The following PBK variants were observed in gnomAD, a reference collection of about 807,000 sequenced individuals.
PBK encodes the protein PDZ binding kinase, also known as lymphokine-activated killer T-cell-originated protein kinase.
In PBK, 22 loss-of-function variants were observed where a neutral mutation model predicts 33.5. The observed-to-expected ratio is 0.66, with a 90% CI of 0.47 to 0.94. The LOEUF is 0.94. Ranked by LOEUF, PBK falls within the 40% of genes least tolerant of loss-of-function variation. The probability of loss-of-function intolerance (pLI) is 0.00; values close to 1 mark genes in which losing one functional copy is unlikely to be tolerated. For synonymous variants in PBK, 129 were observed against 123.8 expected (o/e 1.04, Z -0.28); for missense variants, 376 against 383.4 (o/e 0.98, Z 0.16).
chr8:27,822,485 T>C lies in PBK; in HGVS notation c.299A>G (p.Tyr100Cys), dbSNP rs1805949159. Residue 100 changes from tyrosine (Y) to cysteine (C), a missense_variant, in exon 5 of 8, where the codon TAT becomes TGT. Tyr to Cys is a radical substitution (Grantham distance 194). Transcript: ENST00000301905. Reference sequence around the variant, plus strand: ...ATCATTGGCTTCAGTAAAAGCACGATAACCTTAAAGAAAACATGACATTTC... The same window carrying C: ...ATCATTGGCTTCAGTAAAAGCACGACAACCTTAAAGAAAACATGACATTTC... The part of the protein sequence containing the change: ...KSLHHPNIVG[Y>C]RAFTEANDGS... 1 of 1,594,722 alleles carries C rather than the reference T, an allele frequency of 6.3e-7. No homozygotes were observed. Among genetic ancestry groups the C allele is most frequent in the Non-Finnish European group, 8.5e-7 (1 of 1,170,708 alleles).
intron 3 of PBK, 25 bp from the exon 4 acceptor site, chr8:27,823,230 G>A: frequency 1.4e-6 from 2 of 1,415,186 alleles, no homozygotes; most frequent in Non-Finnish European, 1.9e-6. Context: ...CATTTAAAAA[G>A]GATAGAAAAC....
chr8:27,822,936 T>C, intron 4 of PBK, 127 bp downstream of exon 4: 2 of 614,468 alleles, frequency 3.3e-6, no homozygotes, highest in African/African-American at 3.9e-5. Flanking sequence ...CACATTAATT[T>C]GATACCCATT....
intron 1 of PBK, among the ~76,000 whole-genome samples, chr8:27,834,615 C>T (rs1395455636): frequency 3.3e-5 from 5 of 151,930 alleles, no homozygotes; most frequent in East Asian, 1.9e-4. Context: ...AAAATGAGGC[C>T]GGGTATGGTG....
At chr8:27,810,644 A>G (rs548987083) in intron 7 of PBK, 143 bp from the exon 8 acceptor site, 277 of 611,022 alleles carry the variant, frequency 4.5e-4, no homozygotes, top group Non-Finnish European at 6.3e-4. Context: ...AATGTCTTCA[A>G]TTGTCCTGCC....
intron 6 of PBK, among the ~76,000 whole-genome samples, chr8:27,820,092 T>C (rs1805891108): frequency 6.6e-6 from 1 of 152,176 alleles, no homozygotes; most frequent in South Asian, 2.1e-4. Flanking sequence ...CAAGAACATA[T>C]CTTAAATTCC....
At position 27,822,422 on chromosome 8, in the gene PBK, T is replaced by C; in HGVS notation, c.362A>G (p.Lys121Arg). 1 of 1,612,312 alleles carries C rather than the reference T, an allele frequency of 6.2e-7. No individual in the cohort carries two copies. Among genetic ancestry groups the C allele is most frequent in the Non-Finnish European group, 8.5e-7 (1 of 1,178,538 alleles). Reference protein sequence around the residue: ...LCLAMEYGGEKSLNDLIEERY... With the variant: ...LCLAMEYGGERSLNDLIEERY... ...TTCTTCTATTAAGTCATTTAGAGAC[T>C]TTTCACCTCCATATTCCATAGCAAG... The change falls in exon 5 of 8, where the codon AAG (lysine) becomes AGG (arginine). Residue 121 changes from lysine to arginine, a missense_variant. Transcript: ENST00000301905.
intron 5 of PBK, 133 bp from the exon 6 acceptor site, chr8:27,820,827 T>TTTA: frequency 4.1e-6 from 2 of 483,858 alleles, no homozygotes; most frequent in East Asian, 7.9e-5. Flanking sequence ...TTTCAAAATT[T>TTTA]TTTTTTTTTT....
At chr8:27,822,167 G>C in intron 5 of PBK, 152 bp downstream of exon 5, 1 of 601,198 alleles carries the variant, frequency 1.7e-6, no homozygotes, top group South Asian at 2.1e-5. Flanking sequence ...AAGCAGAAAT[G>C]TAAGCCTCTA....
At chr8:27,822,785 T>C (rs1403149406) in intron 4 of PBK, among the ~76,000 whole-genome samples, 1 of 152,184 alleles carries the variant, frequency 6.6e-6, no homozygotes, top group African/African-American at 2.4e-5. Context: ...CCTAAATGGA[T>C]TTAAATTATC....
At chr8:27,820,434 A>T in intron 6 of PBK, 131 bp downstream of exon 6, 1 of 594,502 alleles carries the variant, frequency 1.7e-6, no homozygotes, top group Non-Finnish European at 2.9e-6. Context: ...GGAGAGAGAG[A>T]AAAAAAGGGG....
At chr8:27,819,831 A>T (rs977986521) in intron 6 of PBK, among the ~76,000 whole-genome samples, 5 of 152,150 alleles carry the variant, frequency 3.3e-5, no homozygotes, top group African/African-American at 1.2e-4. Flanking sequence ...GTTTCACAAC[A>T]GTTCTATTTT....
At position 27,810,371 on chromosome 8, in the gene PBK, A is replaced by G. The variant is rs777713260; in HGVS notation, c.903T>C (p.Thr301=). ...AAGGACGATCTTTAGGGTCTTCATT[A>G]GTGCATACAGAGAAGAGTTCAATTA... is the stretch of plus-strand genomic sequence containing the variant. ...QKVIELFSVC[T]NEDPKDRPSA... The change falls in exon 8 of 8, where the codon ACT becomes ACC. Residue 301 remains threonine, a synonymous_variant. Coordinates refer to ENST00000301905, the MANE Select transcript of PBK (RefSeq NM_018492.4). 1.9e-6 allele frequency: 3 copies of G among 1,611,198 alleles called. No individual in the cohort carries two copies. The highest frequency in any genetic ancestry group is 1.7e-4 in the Middle Eastern group (1 of 6,056).
rs1441842371 is a variant in PBK, at chr8:27,811,085, T to A, written c.645A>T (p.Lys215Asn). The A allele has an allele frequency of 6.2e-7, 1 of 1,613,694 alleles. No individual in the cohort carries two copies. Among genetic ancestry groups the A allele is most frequent in the African/African-American group, 1.3e-5 (1 of 75,046 alleles). ...CYIGTEPWKP[K>N]EAVEENGVIT... Reference sequence around the variant, plus strand: ...TAACACCATTCTCCTCCACAGCTTCTTTGGGTTTCCATGGCTCTGTGCCAA... The same window carrying A: ...TAACACCATTCTCCTCCACAGCTTCATTGGGTTTCCATGGCTCTGTGCCAA... Residue 215 changes from lysine (K) to asparagine (N), a missense_variant, in exon 7 of 8, where the codon AAA becomes AAT. Coordinates refer to ENST00000301905, the MANE Select transcript of PBK (RefSeq NM_018492.4).
At chr8:27,821,855 C>T (rs532463239) in intron 5 of PBK, among the ~76,000 whole-genome samples, 11 of 152,146 alleles carry the variant, frequency 7.2e-5, no homozygotes, top group Admixed American at 3.3e-4. Flanking sequence ...ACATATACGA[C>T]GGTGGTCCCA....
chr8:27,826,078 G>A (rs954132328), intron 3 of PBK, among the ~76,000 whole-genome samples: 2 of 152,152 alleles, frequency 1.3e-5, no homozygotes, highest in African/African-American at 4.8e-5. Context: ...CAGGACAGTG[G>A]GGGGGACAGA....
At chr8:27,816,297 A>G (rs1268991150) in intron 6 of PBK, among the ~76,000 whole-genome samples, 3 of 150,546 alleles carry the variant, frequency 2.0e-5, no homozygotes, top group African/African-American at 7.4e-5. Flanking sequence ...ATATTTGCAA[A>G]TTTATCTTGA....
chr8:27,820,429 G>T, intron 6 of PBK, 136 bp downstream of exon 6: 1 of 588,104 alleles, frequency 1.7e-6, no homozygotes, highest in Non-Finnish European at 2.9e-6. Flanking sequence ...GACTGGGAGA[G>T]AGAGAAAAAA....
intron 2 of PBK, 148 bp downstream of exon 2, chr8:27,832,908 G>C (rs1806155852): frequency 1.8e-6 from 1 of 564,100 alleles, no homozygotes; most frequent in East Asian, 3.2e-5. Context: ...TATAAAATAA[G>C]TCTTATTTGT....
intron 2 of PBK, among the ~76,000 whole-genome samples, chr8:27,830,977 A>G (rs1806119077): frequency 6.6e-6 from 1 of 152,210 alleles, no homozygotes. Context: ...GAGGATTAAG[A>G]AGGGTATTTC....
Sources: gnomAD v4.1 joint callset for allele counts (sites outside exome capture counted in the v4.1 genomes callset) on GRCh38, gnomAD v4.1.1 for gene constraint, MANE v1.5 for transcripts, NCBI Gene and HGNC (gene_info 2026-07-23, HGNC 2026-07-21) for gene names.